Variants in RP1 observed in about 807,000 individuals in gnomAD.
RP1 encodes oxygen-regulated protein 1.
In RP1, 16 loss-of-function variants were observed where a neutral mutation model predicts 14.8. That is an observed-to-expected ratio of 1.08 (90% CI 0.73 to 1.65). The LOEUF (loss-of-function observed/expected upper bound fraction) is 1.65, where lower values mean the gene tolerates loss of function less well. RP1 is among the 40% of genes most tolerant of loss of function. The pLI, the probability that RP1 is intolerant of heterozygous loss-of-function variation, is 0.00. For synonymous variants in RP1, 876 were observed against 883.6 expected, an observed-to-expected ratio of 0.99 and a Z score of 0.15; for missense variants, 2,631 against 2,535.0, an observed-to-expected ratio of 1.04 and a Z score of -0.81.
chr8:54,565,693 T>G (rs946952577), intron 1 of RP1, among the ~76,000 whole-genome samples: 3 of 152,104 alleles, frequency 2.0e-5, no homozygotes, highest in African/African-American at 7.2e-5. Context: ...TGTTACTCTC[T>G]GGGGGTGGAG....
At chr8:54,600,988 T>A (rs1175405811) in intron 1 of RP1, among the ~76,000 whole-genome samples, 1 of 152,190 alleles carries the variant, frequency 6.6e-6, no homozygotes, top group Non-Finnish European at 1.5e-5. Flanking sequence ...TTGCTTTATA[T>A]ATAATGTCCG....
chr8:54,620,830 A>C, intron 1 of RP1, 125 bp from the exon 2 acceptor site: 1 of 953,804 alleles, frequency 1.0e-6, no homozygotes, highest in South Asian at 1.4e-5. Flanking sequence ...TGAATGAATA[A>C]ATGAATGAAA....
intron 24 of RP1, among the ~76,000 whole-genome samples, chr8:54,820,057 C>T (rs1811220953): frequency 6.6e-6 from 1 of 152,132 alleles, no homozygotes; most frequent in African/African-American, 2.4e-5. Context: ...AACTTCCCTT[C>T]TGGCCAAGGA....
chr8:54,587,262 C>T (rs1460945968), intron 1 of RP1, among the ~76,000 whole-genome samples: 1 of 152,098 alleles, frequency 6.6e-6, no homozygotes, highest in Non-Finnish European at 1.5e-5. Context: ...CCTGTCACTA[C>T]TAAAAATACA....
At chr8:54,663,021 A>C (rs1806935397) in intron 6 of RP1, among the ~76,000 whole-genome samples, 1 of 152,098 alleles carries the variant, frequency 6.6e-6, no homozygotes, top group Non-Finnish European at 1.5e-5. Flanking sequence ...AAAAATATTA[A>C]ATGTAAAATT....
At chr8:54,789,135 T>C (rs1810400330) in intron 24 of RP1, among the ~76,000 whole-genome samples, 1 of 152,144 alleles carries the variant, frequency 6.6e-6, no homozygotes, top group African/African-American at 2.4e-5. Flanking sequence ...CAAAGAAGCA[T>C]GGCAGGGGTT....
intron 6 of RP1, among the ~76,000 whole-genome samples, chr8:54,662,266 A>C (rs781499539): frequency 1.5e-4 from 23 of 152,078 alleles, no homozygotes; most frequent in Non-Finnish European, 3.1e-4. Context: ...TATATAGTTG[A>C]CTACTGGTTA....
chr8:54,819,655 T>A (rs1811210046), intron 24 of RP1, among the ~76,000 whole-genome samples: 1 of 152,064 alleles, frequency 6.6e-6, no homozygotes, highest in South Asian at 2.1e-4. Flanking sequence ...GTGATCTGAG[T>A]CTTTGGGCAC....
intron 27 of RP1, among the ~76,000 whole-genome samples, chr8:54,861,757 C>T (rs1193246964): frequency 6.6e-6 from 1 of 152,154 alleles, no homozygotes; most frequent in Non-Finnish European, 1.5e-5. Flanking sequence ...CTCATGCCAC[C>T]ATGCCCAGCT....
chr8:54,769,771 T>C, exon 23 of RP1: 1 of 1,533,968 alleles, frequency 6.5e-7, no homozygotes, highest in Non-Finnish European at 8.7e-7. Context: ...AGGGCATAAT[T>C]CATTCAGAAA....
rs1227023039 is a variant in RP1, at chr8:54,808,570, T to TA, written c.3615+24861dup. 4.6e-5 allele frequency among the ~76,000 whole-genome samples: 7 copies of TA among 152,384 alleles called. No homozygotes were observed. The East Asian group carries it at 9.6e-4, about 21-fold the overall frequency. ...ATTTTATGGGATTGGAATACCCAGC[T>TA]AGTTGTTACAGAGCATGACTCTAGA... is the stretch of plus-strand genomic sequence containing the variant. On this transcript the variant is annotated intron_variant, in intron 24 of 28. Transcript: ENST00000637698.
At chr8:54,655,663 C>T (rs766148621) in intron 5 of RP1, among the ~76,000 whole-genome samples, 6 of 152,084 alleles carry the variant, frequency 3.9e-5, no homozygotes, top group African/African-American at 7.2e-5. Context: ...ATATTAATGA[C>T]ATAAGATTTG....
At chr8:54,652,735 A>C in intron 4 of RP1, 1 of 1,372,732 alleles carries the variant, frequency 7.3e-7, no homozygotes, top group Non-Finnish European at 1.0e-6. Context: ...TTTTAAGTGA[A>C]TTTTGTGAAA....
intron 14 of RP1, among the ~76,000 whole-genome samples, chr8:54,705,112 C>G (rs548046711): frequency 1.3e-5 from 2 of 152,244 alleles, no homozygotes; most frequent in East Asian, 3.9e-4. Context: ...TTAGGGGGAA[C>G]AGTCTATAAT....
chr8:54,734,398 G>A (rs900671113), intron 17 of RP1: 7 of 617,054 alleles, frequency 1.1e-5, no homozygotes, highest in Middle Eastern at 8.8e-4. Context: ...GCGCAAATCA[G>A]CTCCCTGGAG....
At chr8:54,867,079 T>C (rs1027169130) in intron 28 of RP1, among the ~76,000 whole-genome samples, 19 of 152,176 alleles carry the variant, frequency 1.2e-4, no homozygotes, top group African/African-American at 3.6e-4. Flanking sequence ...TAACGCTACA[T>C]GAAGCTGGAG....
intron 1 of RP1, among the ~76,000 whole-genome samples, chr8:54,569,833 C>T (rs971983444): frequency 3.3e-5 from 5 of 152,142 alleles, no homozygotes; most frequent in African/African-American, 7.2e-5. Context: ...GACGACGTAC[C>T]GCATGATGTC....
At chr8:54,710,637 T>G (rs752546025) in intron 15 of RP1, among the ~76,000 whole-genome samples, 5 of 152,186 alleles carry the variant, frequency 3.3e-5, no homozygotes, top group Admixed American at 6.5e-5. Context: ...AGAATTTTAT[T>G]GAGCAATGAA....
chr8:54,828,867 T>TTTC (rs1477251697), intron 24 of RP1, among the ~76,000 whole-genome samples: 106 of 146,088 alleles, frequency 7.3e-4, no homozygotes, highest in East Asian at 5.6e-3. Context: ...TTCTTTCTTC[T>TTTC]TTCTTCTTCT....
Sources: gnomAD v4.1 joint callset for allele counts (sites outside exome capture counted in the v4.1 genomes callset) on GRCh38, gnomAD v4.1.1 for gene constraint, MANE v1.5 for transcripts, NCBI Gene and HGNC (gene_info 2026-07-23, HGNC 2026-07-21) for gene names.